BICD1: variants seen among roughly 807,000 people sequenced by gnomAD.
BICD1 encodes the protein BICD cargo adaptor 1.
BICD1 carries 35 observed loss-of-function variants against 92.5 expected under a neutral mutation model. The observed-to-expected ratio is 0.38, with a 90% CI of 0.29 to 0.50. BICD1 has a LOEUF of 0.50. Ranked by LOEUF, BICD1 falls within the 20% of genes least tolerant of loss-of-function variation. BICD1 has a pLI of 0.93. For synonymous variants in BICD1, 429 were observed against 465.1 expected, an observed-to-expected ratio of 0.92 and a Z score of 1.00; for missense variants, 950 against 1,189.8, an observed-to-expected ratio of 0.80 and a Z score of 2.97.
At chr12:32,254,125 T>C (rs1323832029) in intron 2 of BICD1, among the ~76,000 whole-genome samples, 1 of 142,824 alleles carries the variant, frequency 7.0e-6, no homozygotes, top group Non-Finnish European at 1.5e-5. Flanking sequence ...CCACCTGCCA[T>C]ATTCACTGCC....
At chr12:32,222,480 T>TGCTCAG (rs1945561057) in intron 2 of BICD1, among the ~76,000 whole-genome samples, 1 of 152,098 alleles carries the variant, frequency 6.6e-6, no homozygotes, top group African/African-American at 2.4e-5. Flanking sequence ...AGCACATGGG[T>TGCTCAG]ACCAAGTGAC....
Position 32,345,275 on chromosome 12 carries a change from A to AG in BICD1, c.2764+6297dup, listed in dbSNP as rs1335423003. ...GAGTGATGGAGTGAGACCCTGTCTCAGAAAAAAAAAAAAAAAGAAGAAAAA... is the reference window on the plus strand; with the variant it reads ...GAGTGATGGAGTGAGACCCTGTCTCAGGAAAAAAAAAAAAAAAGAAGAAAAA... On this transcript the variant is annotated intron_variant, in intron 8 of 9. Coordinates refer to ENST00000652176, the MANE Select transcript of BICD1 (RefSeq NM_001714.4). Among the ~76,000 whole-genome samples the AG allele has an allele frequency of 2.2e-3, 321 of 148,594 alleles. 2 individuals are homozygous for AG. Among genetic ancestry groups the AG allele is most frequent in the African/African-American group, 7.7e-3 (307 of 39,784 alleles).
chr12:32,287,737 C>T (rs564061285), intron 2 of BICD1, among the ~76,000 whole-genome samples: 1 of 152,294 alleles, frequency 6.6e-6, no homozygotes, highest in East Asian at 1.9e-4. Context: ...CGAGGTTTCA[C>T]CGTGTTAGCC....
chr12:32,161,068 T>C (rs1943585723), intron 1 of BICD1, among the ~76,000 whole-genome samples: 1 of 152,184 alleles, frequency 6.6e-6, no homozygotes, highest in African/African-American at 2.4e-5. Flanking sequence ...CTATAACTTC[T>C]TCAGATCCGG....
chr12:32,306,526 A>G (rs1948229611), intron 4 of BICD1, among the ~76,000 whole-genome samples: 1 of 151,652 alleles, frequency 6.6e-6, no homozygotes, highest in Non-Finnish European at 1.5e-5. Context: ...TACAGGCGTG[A>G]GCCACCGCGC....
intron 2 of BICD1, among the ~76,000 whole-genome samples, chr12:32,273,455 A>G (rs2129590): frequency 0.65 from 99,290 of 151,968 alleles, 32,994 homozygotes; most frequent in African/African-American, 0.78. Flanking sequence ...GGCTCACTGG[A>G]TGTGCTCTGT....
rs191200701 is a variant in BICD1, at chr12:32,368,469, G to A, written c.2840+724G>A. ...CAGCACTGTGGAAGGCCGAGGCAGA[G>A]GGATTACCTGAGGTCAGGAGTTTGA... On this transcript the variant is annotated intron_variant, in intron 9 of 9. Transcript: ENST00000652176. Among the ~76,000 whole-genome samples the A allele has an allele frequency of 3.8e-3, 581 of 152,244 alleles. 6 individuals carry two copies. Among genetic ancestry groups the A allele is most frequent in the African/African-American group, 0.013 (551 of 41,546 alleles).
rs967450008 is a variant in BICD1, at chr12:32,285,685, C to T, written c.427-8309C>T. The stretch of plus-strand genomic sequence containing the variant: ...CTGCCATCTCAGGCTAATCCCCTCT[C>T]CCCTGAGGAGCTGAGACTCAGCTCC... On this transcript the variant is annotated intron_variant, in intron 2 of 9. Coordinates refer to ENST00000652176, the MANE Select transcript of BICD1 (RefSeq NM_001714.4). Among the ~76,000 whole-genome samples the T allele has an allele frequency of 2.0e-5, 3 of 152,168 alleles. 1 individual carries two copies. The highest frequency in any genetic ancestry group is 1.5e-5 in the Non-Finnish European group (1 of 68,030).
At chr12:32,238,559 G>T (rs1193828423) in intron 2 of BICD1, among the ~76,000 whole-genome samples, 2 of 152,224 alleles carry the variant, frequency 1.3e-5, no homozygotes, top group Non-Finnish European at 2.9e-5. Context: ...GTTGTACCAT[G>T]AGTAAAATGC....
chr12:32,325,848 C>T (rs1031592042), intron 4 of BICD1, among the ~76,000 whole-genome samples: 4 of 151,642 alleles, frequency 2.6e-5, no homozygotes, highest in South Asian at 2.1e-4. Context: ...TTTGGGAGGC[C>T]GAGGTGGGCG....
chr12:32,288,323 TG>T (rs1232444538), intron 2 of BICD1, among the ~76,000 whole-genome samples: 1 of 150,744 alleles, frequency 6.6e-6, no homozygotes, highest in African/African-American at 2.4e-5. Context: ...GCTTGACCTT[TG>T]GGGCTCAAGC....
At chr12:32,202,494 A>G (rs547856208) in intron 1 of BICD1, among the ~76,000 whole-genome samples, 7 of 152,338 alleles carry the variant, frequency 4.6e-5, no homozygotes, top group Non-Finnish European at 8.8e-5. Flanking sequence ...AAGCTTCATC[A>G]ATATGTATTT....
intron 4 of BICD1, among the ~76,000 whole-genome samples, chr12:32,326,738 C>T (rs1264895236): frequency 6.6e-6 from 1 of 152,136 alleles, no homozygotes; most frequent in Non-Finnish European, 1.5e-5. Context: ...ACAAAATTAG[C>T]CAGGTGTGGT....
intron 1 of BICD1, among the ~76,000 whole-genome samples, chr12:32,157,813 C>T (rs1264791732): frequency 1.3e-5 from 2 of 152,084 alleles, no homozygotes; most frequent in Non-Finnish European, 2.9e-5. Flanking sequence ...GTATTCACTG[C>T]AGTGTGCTGA....
rs11051843 is a variant in BICD1 at position 32,200,642 on chromosome 12, T to C, written c.214-15605T>C. Among the ~76,000 whole-genome samples, 331 of 152,218 alleles carry C rather than the reference T, an allele frequency of 2.2e-3. 4 individuals carry two copies. In the East Asian group the frequency reaches 0.037, roughly 17 times the overall value. ...TTATATGCAACCATAGGGAATAGTG[T>C]TGTTACTATAAATAATGATTGTACT... is the stretch of plus-strand genomic sequence containing the variant. On this transcript the variant is annotated intron_variant, in intron 1 of 9. Transcript: ENST00000652176.
intron 9 of BICD1, among the ~76,000 whole-genome samples, chr12:32,368,776 G>T (rs1031420483): frequency 6.6e-6 from 1 of 152,178 alleles, no homozygotes; most frequent in East Asian, 1.9e-4. Context: ...AAGGCTGGGT[G>T]CAGTGGCTCA....
intron 8 of BICD1, among the ~76,000 whole-genome samples, chr12:32,355,594 G>C (rs772691956): frequency 1.6e-4 from 24 of 152,156 alleles, no homozygotes; most frequent in Non-Finnish European, 3.1e-4. Context: ...TTGAGGTCAG[G>C]AGTATGAGAC....
chr12:32,168,757 G>A (rs1033937922), intron 1 of BICD1, among the ~76,000 whole-genome samples: 1 of 152,072 alleles, frequency 6.6e-6, no homozygotes, highest in African/African-American at 2.4e-5. Context: ...ATCATCTGAC[G>A]TCAGGAGTTT....
At chr12:32,157,062 T>C (rs1201525188) in intron 1 of BICD1, among the ~76,000 whole-genome samples, 5 of 152,200 alleles carry the variant, frequency 3.3e-5, no homozygotes, top group Non-Finnish European at 7.3e-5. Context: ...TTACATGTGC[T>C]CGTTATTATT....
Sources: gnomAD v4.1 joint callset for allele counts (sites outside exome capture counted in the v4.1 genomes callset) on GRCh38, gnomAD v4.1.1 for gene constraint, MANE v1.5 for transcripts, NCBI Gene and HGNC (gene_info 2026-07-23, HGNC 2026-07-21) for gene names.